KCNH5: variants seen among roughly 807,000 people sequenced by gnomAD.
The protein encoded by KCNH5 is voltage-gated delayed rectifier potassium channel KCNH5.
Under a neutral mutation model 96.1 loss-of-function variants are expected in KCNH5, and 46 were observed. The ratio of observed to expected loss-of-function variants is 0.48; its 90% CI spans 0.38 to 0.61. The LOEUF is 0.61. Among genes scored for constraint, KCNH5 ranks in the 20% least tolerant of loss-of-function variants. KCNH5 has a pLI of 0.00. For synonymous variants in KCNH5, 439 were observed against 449.8 expected, an observed-to-expected ratio of 0.98 and a Z score of 0.30; for missense variants, 907 against 1,225.8, an observed-to-expected ratio of 0.74 and a Z score of 3.88.
At chr14:62,826,041 CTTTAATG>C (rs1436610167) in intron 8 of KCNH5, among the ~76,000 whole-genome samples, 1 of 152,050 alleles carries the variant, frequency 6.6e-6, no homozygotes, top group Non-Finnish European at 1.5e-5. Flanking sequence ...AGCTTACTGA[CTTTAATG>C]TTTAAGTTAC....
intron 7 of KCNH5, among the ~76,000 whole-genome samples, chr14:62,923,769 C>A (rs2140110381): frequency 6.6e-6 from 1 of 151,906 alleles, no homozygotes; most frequent in Middle Eastern, 3.4e-3. Context: ...TATCTGCATA[C>A]AAAAGAATAA....
At chr14:63,001,628 G>A (rs1460873133) in intron 3 of KCNH5, among the ~76,000 whole-genome samples, 169 bp from the exon 4 acceptor site, 1 of 152,158 alleles carries the variant, frequency 6.6e-6, no homozygotes, top group East Asian at 1.9e-4. Context: ...CTTTAATTTT[G>A]TATCAACTAC....
At chr14:62,766,656 A>G (rs1595612975) in intron 10 of KCNH5, among the ~76,000 whole-genome samples, 5 of 152,224 alleles carry the variant, frequency 3.3e-5, no homozygotes, top group Admixed American at 3.3e-4. Flanking sequence ...AATTATAGGG[A>G]GTAGAAGGAT....
At chr14:62,944,061 A>G (rs769838542) in intron 7 of KCNH5, among the ~76,000 whole-genome samples, 7 of 152,076 alleles carry the variant, frequency 4.6e-5, no homozygotes, top group Non-Finnish European at 5.9e-5. Context: ...TTTTTTGAAG[A>G]TCTGTCTGAT....
At chr14:62,896,420 A>G (rs1201268998) in intron 7 of KCNH5, among the ~76,000 whole-genome samples, 3 of 152,242 alleles carry the variant, frequency 2.0e-5, no homozygotes, top group Admixed American at 6.5e-5. Flanking sequence ...AGCTACTTCA[A>G]TTCTTCATTT....
intron 4 of KCNH5, among the ~76,000 whole-genome samples, chr14:62,996,419 T>C (rs1890906835): frequency 6.6e-6 from 1 of 152,214 alleles, no homozygotes. Context: ...AGAGACCTTT[T>C]TCTCTAATGC....
At chr14:63,001,923 T>G (rs1033292693) in intron 3 of KCNH5, among the ~76,000 whole-genome samples, 1 of 152,208 alleles carries the variant, frequency 6.6e-6, no homozygotes, top group Non-Finnish European at 1.5e-5. Flanking sequence ...CTAATAAGCA[T>G]TCCTCTTGGA....
At chr14:62,997,742 A>C (rs1890932645) in intron 4 of KCNH5, among the ~76,000 whole-genome samples, 2 of 149,814 alleles carry the variant, frequency 1.3e-5, no homozygotes, top group African/African-American at 2.5e-5. Context: ...CTAAAAATAC[A>C]AAAAAAAATT....
At chr14:62,841,940 T>A (rs1887593873) in intron 8 of KCNH5, among the ~76,000 whole-genome samples, 1 of 152,240 alleles carries the variant, frequency 6.6e-6, no homozygotes, top group Admixed American at 6.5e-5. Context: ...ACTGTGGCTA[T>A]CAAACGATTC....
chr14:62,766,577 C>T (rs975158098), intron 10 of KCNH5, among the ~76,000 whole-genome samples: 2 of 152,034 alleles, frequency 1.3e-5, no homozygotes, highest in Non-Finnish European at 2.9e-5. Flanking sequence ...AAGCCAGGCA[C>T]AGAAAGACAA....
intron 8 of KCNH5, among the ~76,000 whole-genome samples, chr14:62,806,156 A>T (rs953397217): frequency 6.6e-6 from 1 of 152,304 alleles, no homozygotes; most frequent in Admixed American, 6.5e-5. Context: ...TGTCATGGCA[A>T]CGTCAGAAAG....
intron 9 of KCNH5, among the ~76,000 whole-genome samples, chr14:62,781,133 A>T (rs1322239841): frequency 6.6e-6 from 1 of 152,184 alleles, no homozygotes; most frequent in Non-Finnish European, 1.5e-5. Context: ...GAAATTTTAA[A>T]GCTGGGCGTC....
At chr14:62,721,973 C>T (rs2139914598) in intron 10 of KCNH5, among the ~76,000 whole-genome samples, 1 of 152,310 alleles carries the variant, frequency 6.6e-6, no homozygotes, top group East Asian at 1.9e-4. Flanking sequence ...GGCGAGAAAG[C>T]CCACTACTGG....
chr14:62,726,417 C>T (rs1884926691), intron 10 of KCNH5, among the ~76,000 whole-genome samples: 2 of 151,438 alleles, frequency 1.3e-5, no homozygotes, highest in African/African-American at 4.9e-5. Flanking sequence ...AACTCATATC[C>T]AGAATCTATA....
Position 62,879,046 on chromosome 14 carries a change from T to C in KCNH5, c.1370-29194A>G, listed in dbSNP as rs1355430847. ...GGTACTGGGAACTTCAATTTTACAA[T>C]ACTAGTCAGCCCAAAACATACTTTA... On this transcript the variant is annotated intron_variant, in intron 7 of 10. Coordinates refer to ENST00000322893, the MANE Select transcript of KCNH5 (RefSeq NM_139318.5). Among the ~76,000 whole-genome samples, 6 of 152,144 alleles carry C rather than the reference T, an allele frequency of 3.9e-5. No individual in the cohort carries two copies. In the East Asian group the frequency reaches 9.6e-4, roughly 24 times the overall value.
chr14:62,713,463 T>C (rs989761844), intron 10 of KCNH5, among the ~76,000 whole-genome samples: 7 of 152,338 alleles, frequency 4.6e-5, no homozygotes, highest in African/African-American at 1.4e-4. Flanking sequence ...CAGAACCTGC[T>C]TTGATTTCAT....
chr14:62,995,802 T>A (rs1365110031), intron 4 of KCNH5, among the ~76,000 whole-genome samples: 5 of 152,100 alleles, frequency 3.3e-5, no homozygotes, highest in Non-Finnish European at 7.4e-5. Context: ...TTCCACTATA[T>A]ATTTACTAGT....
chr14:63,017,180 G>A (rs142561145), intron 1 of KCNH5, among the ~76,000 whole-genome samples: 23 of 151,834 alleles, frequency 1.5e-4, no homozygotes, highest in Admixed American at 1.3e-3. Context: ...CCATTTAAAC[G>A]AAACCAGTTT....
chr14:63,023,478 T>A (rs1413368909), intron 1 of KCNH5, among the ~76,000 whole-genome samples: 4 of 152,240 alleles, frequency 2.6e-5, no homozygotes, highest in Non-Finnish European at 4.4e-5. Flanking sequence ...TCTTTTCATA[T>A]AAATCACATA....
Sources: allele counts gnomAD v4.1 joint callset (sites outside exome capture counted in the v4.1 genomes callset), GRCh38; gene constraint gnomAD v4.1.1; transcripts MANE v1.5; gene names NCBI Gene and HGNC (gene_info 2026-07-23, HGNC 2026-07-21).